The following AFF3 variants were observed in gnomAD, a reference collection of about 807,000 sequenced individuals.
AFF3 encodes the protein ALF transcription elongation factor 3, also known as AF4/FMR2 family member 3.
In AFF3, 32 loss-of-function variants were observed where a neutral mutation model predicts 129.7. That is an observed-to-expected ratio of 0.25 (90% CI 0.19 to 0.33). The LOEUF (loss-of-function observed/expected upper bound fraction) is 0.33. Ranked by LOEUF, AFF3 falls within the 10% of genes least tolerant of loss-of-function variation. AFF3 has a pLI of 1.00. For missense variants in AFF3, 1,373 were observed against 1,592.0 expected (o/e 0.86, Z 2.34); for synonymous variants, 644 against 635.4 (o/e 1.01, Z -0.20).
rs747884491 is a variant in AFF3 at position 100,007,025 on chromosome 2, GGAA to G, written c.488-11_488-9del. On this transcript the variant is annotated splice_polypyrimidine_tract_variant and intron_variant, in intron 6 of 24. Coordinates refer to ENST00000672756, the MANE Select transcript of AFF3 (RefSeq NM_001386135.1). The stretch of plus-strand genomic sequence containing the variant: ...TGAGAGAGCCCTGTTGTGCTGAGTT[GGAA>G]GAAGAAGAAGAGGAAGATAAGGATG... 8.3e-5 allele frequency: 132 copies of G among 1,598,670 alleles called. No individual in the cohort carries two copies. The highest frequency in any genetic ancestry group is 1.9e-4 in the Admixed American group (11 of 58,180).
intron 7 of AFF3, among the ~76,000 whole-genome samples, chr2:99,853,734 A>G (rs756848916): frequency 6.6e-5 from 10 of 152,196 alleles, no homozygotes; most frequent in Non-Finnish European, 1.3e-4. Context: ...CTGTGCTCTT[A>G]ACTGCTATTA....
At chr2:100,043,095 G>A (rs1031819849) in intron 4 of AFF3, among the ~76,000 whole-genome samples, 8 of 151,824 alleles carry the variant, frequency 5.3e-5, no homozygotes, top group Admixed American at 2.6e-4. Flanking sequence ...CTTTGCAAGT[G>A]CAAACAGACT....
At chr2:99,873,857 A>T (rs979218861) in intron 7 of AFF3, among the ~76,000 whole-genome samples, 1 of 152,072 alleles carries the variant, frequency 6.6e-6, no homozygotes, top group Non-Finnish European at 1.5e-5. Context: ...GACTCTTTCA[A>T]ATGCCAAAAC....
chr2:99,852,778 C>G (rs1228670056), intron 7 of AFF3, among the ~76,000 whole-genome samples: 2 of 152,150 alleles, frequency 1.3e-5, no homozygotes, highest in Non-Finnish European at 2.9e-5. Flanking sequence ...ATGAAACTTC[C>G]CTCATATCAC....
chr2:99,768,271 A>C (rs1053100489), intron 8 of AFF3, among the ~76,000 whole-genome samples: 3 of 151,930 alleles, frequency 2.0e-5, no homozygotes, highest in African/African-American at 7.3e-5. Flanking sequence ...GGAGAGTGAA[A>C]CCCCCCAGGA....
At chr2:99,932,716 C>A (rs1674143147) in intron 7 of AFF3, among the ~76,000 whole-genome samples, 1 of 151,724 alleles carries the variant, frequency 6.6e-6, no homozygotes, top group Admixed American at 6.6e-5. Context: ...TCATCTGTGT[C>A]TGGCATGTGC....
chr2:99,767,901 C>T (rs1188616759), intron 8 of AFF3, among the ~76,000 whole-genome samples: 5 of 152,144 alleles, frequency 3.3e-5, no homozygotes, highest in Admixed American at 6.5e-5. Context: ...GCTGAGATTG[C>T]GCCATTGCAC....
At chr2:99,988,154 A>T (rs544814230) in intron 7 of AFF3, among the ~76,000 whole-genome samples, 1 of 152,346 alleles carries the variant, frequency 6.6e-6, no homozygotes, top group Non-Finnish European at 1.5e-5. Flanking sequence ...GATGGTAGAC[A>T]ACAGAGAAGC....
intron 19 of AFF3, among the ~76,000 whole-genome samples, chr2:99,566,307 G>A (rs1004822991): frequency 2.6e-5 from 4 of 151,788 alleles, no homozygotes; most frequent in African/African-American, 9.7e-5. Flanking sequence ...GTGAGAGTGA[G>A]TAGGGGAAAG....
Position 99,897,008 on chromosome 2 carries a change from T to A in AFF3, c.874-59484A>T, listed in dbSNP as rs1288043177. 2.0e-5 allele frequency among the ~76,000 whole-genome samples: 3 copies of A among 152,162 alleles called. No homozygotes were observed. The East Asian group carries it at 5.8e-4, about 29-fold the overall frequency. The stretch of plus-strand genomic sequence containing the variant: ...TGAACTGTTTTGCAAGTACACCCCG[T>A]GAATTTTAAAGAAATGGTTTACTTT... On this transcript the variant is annotated intron_variant, in intron 7 of 24. Transcript: ENST00000672756.
intron 18 of AFF3, among the ~76,000 whole-genome samples, chr2:99,570,846 C>T (rs950493641): frequency 6.6e-6 from 1 of 152,244 alleles, no homozygotes; most frequent in Non-Finnish European, 1.5e-5. Flanking sequence ...ACACTCTCCT[C>T]TCTGTTCATT....
intron 2 of AFF3, among the ~76,000 whole-genome samples, chr2:100,109,175 A>T (rs1489898150): frequency 6.7e-6 from 1 of 149,536 alleles, no homozygotes; most frequent in African/African-American, 2.5e-5. Context: ...TACCAAACAA[A>T]ACAAAGATAA....
intron 2 of AFF3, among the ~76,000 whole-genome samples, chr2:100,122,465 A>G (rs1692018840): frequency 6.6e-6 from 1 of 152,254 alleles, no homozygotes; most frequent in Non-Finnish European, 1.5e-5. Context: ...AAACAAAAGC[A>G]TTAAAATAAA....
At chr2:100,038,306 C>A (rs1250065326) in intron 4 of AFF3, among the ~76,000 whole-genome samples, 4 of 151,878 alleles carry the variant, frequency 2.6e-5, no homozygotes, top group Non-Finnish European at 5.9e-5. Flanking sequence ...ACCTGGACCC[C>A]AACCCCATTC....
At chr2:99,712,231 G>A (rs1410232228) in intron 11 of AFF3, among the ~76,000 whole-genome samples, 1 of 152,176 alleles carries the variant, frequency 6.6e-6, no homozygotes, top group African/African-American at 2.4e-5. Context: ...AATGCTCTTG[G>A]GTTCTCCAAG....
intron 4 of AFF3, among the ~76,000 whole-genome samples, chr2:100,011,181 G>A (rs1682506272): frequency 6.6e-6 from 1 of 152,174 alleles, no homozygotes; most frequent in Non-Finnish European, 1.5e-5. Flanking sequence ...GGCTGAGGCA[G>A]GAGAACGGCA....
intron 8 of AFF3, among the ~76,000 whole-genome samples, 196 bp downstream of exon 8, chr2:99,837,281 G>GCACT (rs1688949368): frequency 6.6e-6 from 1 of 152,146 alleles, no homozygotes; most frequent in East Asian, 1.9e-4. Flanking sequence ...CTCAGCCTGT[G>GCACT]CAGAGGTGCC....
chr2:99,625,543 A>T (rs1419137967), intron 13 of AFF3, among the ~76,000 whole-genome samples: 2 of 152,236 alleles, frequency 1.3e-5, no homozygotes, highest in Non-Finnish European at 2.9e-5. Flanking sequence ...CAGCATCAAC[A>T]TTAAACCATG....
At chr2:99,996,615 T>C (rs1680861901) in intron 7 of AFF3, among the ~76,000 whole-genome samples, 2 of 150,680 alleles carry the variant, frequency 1.3e-5, no homozygotes, top group South Asian at 4.2e-4. Context: ...CTCCTGACCT[T>C]GTGATCCGCC....
Sources: gnomAD v4.1 joint callset for allele counts (sites outside exome capture counted in the v4.1 genomes callset) on GRCh38, gnomAD v4.1.1 for gene constraint, MANE v1.5 for transcripts, NCBI Gene and HGNC (gene_info 2026-07-23, HGNC 2026-07-21) for gene names.